Variants in NALF1 observed in about 807,000 individuals in gnomAD.
NALF1 encodes NALCN channel auxiliary factor 1.
Under a neutral mutation model 48.4 loss-of-function variants are expected in NALF1, and 3 were observed. The ratio of observed to expected loss-of-function variants is 0.06; its 90% CI spans 0.03 to 0.16. The LOEUF is 0.16. Among genes scored for constraint, NALF1 ranks in the 10% least tolerant of loss-of-function variants. The pLI is 1.00. For missense variants in NALF1, 526 were observed against 571.5 expected, an observed-to-expected ratio of 0.92 and a Z score of 0.81; for synonymous variants, 262 against 245.7, an observed-to-expected ratio of 1.07 and a Z score of -0.62.
intron 1 of NALF1, among the ~76,000 whole-genome samples, chr13:107,607,857 A>T (rs1157604783): frequency 2.5e-4 from 38 of 152,320 alleles, no homozygotes; most frequent in African/African-American, 8.9e-4. Flanking sequence ...TAAAGCAGGG[A>T]AAACCACACC....
rs1878640112 is a variant in NALF1 at position 107,165,549 on chromosome 13, C to T, written c.*4948G>A. 6.6e-6 allele frequency: 1 copy of T among 152,086 alleles called. No individual in the cohort carries two copies. The highest frequency in any genetic ancestry group is 2.1e-4 in the South Asian group (1 of 4,830). 9.4% of individuals were successfully genotyped at this position (152,086 alleles called of 1,614,324 possible). On this transcript the variant is annotated 3_prime_UTR_variant, in exon 3 of 3. Coordinates refer to ENST00000375915, the MANE Select transcript of NALF1 (RefSeq NM_001080396.3). ...AGTACAGTATCTCAAGAATAAAAAC[C>T]ATAGTTCATATTTTGTTTCATGCCT... is the stretch of plus-strand genomic sequence containing the variant.
intron 1 of NALF1, among the ~76,000 whole-genome samples, chr13:107,624,828 G>A (rs1879623859): frequency 1.3e-5 from 2 of 152,102 alleles, no homozygotes; most frequent in South Asian, 4.1e-4. Context: ...ATAAAGGAGG[G>A]GGGTGCAGAA....
chr13:107,184,352 TG>T (rs779097746), intron 2 of NALF1, among the ~76,000 whole-genome samples: 1 of 152,032 alleles, frequency 6.6e-6, no homozygotes, highest in Non-Finnish European at 1.5e-5. Flanking sequence ...AATGCGCCGA[TG>T]GAAAGGTAGT....
intron 1 of NALF1, among the ~76,000 whole-genome samples, chr13:107,529,892 T>C (rs546091685): frequency 6.6e-5 from 10 of 152,142 alleles, no homozygotes; most frequent in Non-Finnish European, 1.3e-4. Context: ...CTTCATCTAG[T>C]GGCCATGGGA....
Position 107,545,984 on chromosome 13 carries a change from CAG to C in NALF1, c.915+319696_915+319697del, listed in dbSNP as rs1358351458. 3.3e-5 allele frequency among the ~76,000 whole-genome samples: 5 copies of C among 152,174 alleles called. No individual in the cohort carries two copies. In the East Asian group the frequency reaches 9.7e-4, roughly 30 times the overall value. ...CAGGCTTGTCTTTGTTAGATAAAAA[CAG>C]GGGCTTTCTTTATACTGGAGTGTTC... On this transcript the variant is annotated intron_variant, in intron 1 of 2. Transcript: ENST00000375915.
chr13:107,825,694 G>A (rs546227825), intron 1 of NALF1, among the ~76,000 whole-genome samples: 13 of 152,324 alleles, frequency 8.5e-5, no homozygotes, highest in African/African-American at 2.9e-4. Context: ...TGTGAAAAGA[G>A]GAGAAACTTC....
chr13:107,676,017 T>C (rs1183922772), intron 1 of NALF1, among the ~76,000 whole-genome samples: 7 of 152,240 alleles, frequency 4.6e-5, no homozygotes, highest in African/African-American at 1.4e-4. Flanking sequence ...ACAGGTCAAC[T>C]GCCTCCCATG....
intron 1 of NALF1, among the ~76,000 whole-genome samples, chr13:107,524,558 A>G (rs987866205): frequency 6.6e-6 from 1 of 152,112 alleles, no homozygotes; most frequent in Non-Finnish European, 1.5e-5. Context: ...AGTATAACAG[A>G]AAGCAAGGTA....
At chr13:107,523,612 A>G (rs1209435309) in intron 1 of NALF1, among the ~76,000 whole-genome samples, 1 of 145,826 alleles carries the variant, frequency 6.9e-6, no homozygotes, top group Non-Finnish European at 1.5e-5. Flanking sequence ...AGTCTAGTCA[A>G]TGAGGTAACG....
Position 107,414,128 on chromosome 13 carries a change from C to T in NALF1, c.916-203373G>A, listed in dbSNP as rs547123745. On this transcript the variant is annotated intron_variant, in intron 1 of 2. Transcript: ENST00000375915. ...TTTTTAAAATGCCATGTAGTCAAAA[C>T]GATCTATTAAAAATAATTTATTATT... Among the ~76,000 whole-genome samples the T allele has an allele frequency of 1.8e-4, 27 of 152,102 alleles. No individual in the cohort carries two copies. The South Asian group carries it at 4.2e-3, about 23-fold the overall frequency.
At chr13:107,519,810 A>C (rs2139095207) in intron 1 of NALF1, among the ~76,000 whole-genome samples, 1 of 152,200 alleles carries the variant, frequency 6.6e-6, no homozygotes, top group East Asian at 1.9e-4. Flanking sequence ...GTAGAGAGAA[A>C]AGAAGTAGCT....
chr13:107,648,420 T>C (rs1340530776), intron 1 of NALF1, among the ~76,000 whole-genome samples: 2 of 152,180 alleles, frequency 1.3e-5, no homozygotes, highest in South Asian at 2.1e-4. Context: ...AGTCAGGTAG[T>C]TGTAATCATG....
chr13:107,376,079 A>T (rs1883330827), intron 1 of NALF1, among the ~76,000 whole-genome samples: 1 of 152,192 alleles, frequency 6.6e-6, no homozygotes. Context: ...TTTGGAAGCC[A>T]GACCTCATCA....
chr13:107,510,325 C>T (rs997873550), intron 1 of NALF1, among the ~76,000 whole-genome samples: 2 of 152,030 alleles, frequency 1.3e-5, no homozygotes, highest in African/African-American at 4.8e-5. Flanking sequence ...GAATTGCTGC[C>T]CAAAGACACT....
chr13:107,858,114 T>C (rs1309746215), intron 1 of NALF1, among the ~76,000 whole-genome samples: 1 of 152,242 alleles, frequency 6.6e-6, no homozygotes, highest in Non-Finnish European at 1.5e-5. Context: ...TCAGGTTACC[T>C]AAGCCTTTGA....
At chr13:107,699,946 C>A (rs1262388903) in intron 1 of NALF1, among the ~76,000 whole-genome samples, 1 of 151,886 alleles carries the variant, frequency 6.6e-6, no homozygotes, top group Non-Finnish European at 1.5e-5. Flanking sequence ...AATAAATTTA[C>A]TCAAGTAGGT....
intron 1 of NALF1, among the ~76,000 whole-genome samples, chr13:107,325,853 CACATATATATATATATATAT>C (rs1236457345): frequency 2.0e-5 from 1 of 49,990 alleles, no homozygotes; most frequent in Non-Finnish European, 4.0e-5. Context: ...CACACACACA[CACATATATATATATATATAT>C]ATATATATAT....
chr13:107,264,018 C>A (rs1044841086), intron 1 of NALF1, among the ~76,000 whole-genome samples: 1 of 152,138 alleles, frequency 6.6e-6, no homozygotes, highest in African/African-American at 2.4e-5. Context: ...TTGATTAATG[C>A]AAAGAGTACA....
chr13:107,411,696 G>A (rs997016281), intron 1 of NALF1, among the ~76,000 whole-genome samples: 8 of 152,044 alleles, frequency 5.3e-5, no homozygotes, highest in Non-Finnish European at 8.8e-5. Context: ...CAGGACATTC[G>A]AAAGAAAGAA....
Sources: gnomAD v4.1 joint callset for allele counts (sites outside exome capture counted in the v4.1 genomes callset) on GRCh38, gnomAD v4.1.1 for gene constraint, MANE v1.5 for transcripts, NCBI Gene and HGNC (gene_info 2026-07-23, HGNC 2026-07-21) for gene names.